ZNF347: variants seen among roughly 807,000 people sequenced by gnomAD.
ZNF347 encodes the protein zinc finger protein 347, also known as CTD-2620I22.7.
In ZNF347, 19 loss-of-function variants were observed where a neutral mutation model predicts 12.9. The observed-to-expected ratio is 1.47, with a 90% CI of 1.03 to 2.16. ZNF347 has a LOEUF of 2.16. ZNF347 is among the 30% of genes most tolerant of loss of function. ZNF347 has a pLI of 0.00. For missense variants in ZNF347, 1,005 were observed against 990.6 expected, an observed-to-expected ratio of 1.01 and a Z score of -0.19; for synonymous variants, 328 against 340.6, an observed-to-expected ratio of 0.96 and a Z score of 0.41.
chr19:53,157,264 T>C (rs2090541784), intron 1 of ZNF347, among the ~76,000 whole-genome samples: 1 of 152,162 alleles, frequency 6.6e-6, no homozygotes, highest in South Asian at 2.1e-4. Flanking sequence ...TTTAAATGTG[T>C]TGCATTATTT....
At chr19:53,155,128 G>A (rs1314985113) in intron 1 of ZNF347, among the ~76,000 whole-genome samples, 1 of 151,972 alleles carries the variant, frequency 6.6e-6, no homozygotes. Context: ...AGTAGAGACA[G>A]TGTTTCACCA....
intron 4 of ZNF347, among the ~76,000 whole-genome samples, chr19:53,146,041 T>C (rs566257988): frequency 2.0e-5 from 3 of 152,130 alleles, no homozygotes; most frequent in South Asian, 4.2e-4. Context: ...AGTGGCATGA[T>C]ACCAGCTCAC....
Position 53,151,991 on chromosome 19 carries a change from G to A in ZNF347, c.15+1742C>T, listed in dbSNP as rs2090501183. ...ATCTGTAATTCCAGCTACTCAGGAGGGTGAGGCAGGAGAATCGCTTGAACC... is the reference window on the plus strand; with the variant it reads ...ATCTGTAATTCCAGCTACTCAGGAGAGTGAGGCAGGAGAATCGCTTGAACC... On this transcript the variant is annotated intron_variant, in intron 2 of 4. Transcript: ENST00000334197. 1.3e-5 allele frequency among the ~76,000 whole-genome samples: 2 copies of A among 150,334 alleles called. 1 individual carries two copies. Among genetic ancestry groups the A allele is most frequent in the South Asian group, 4.2e-4 (2 of 4,772 alleles).
chr19:53,143,806 G>A (rs1449330210), intron 4 of ZNF347, among the ~76,000 whole-genome samples: 1 of 152,134 alleles, frequency 6.6e-6, no homozygotes, highest in Non-Finnish European at 1.5e-5. Context: ...TCGCCACACT[G>A]ACTTCCACAA....
chr19:53,144,625 T>C (rs2090451208), intron 4 of ZNF347, among the ~76,000 whole-genome samples: 1 of 152,016 alleles, frequency 6.6e-6, no homozygotes, highest in South Asian at 2.1e-4. Context: ...ACTTTTTAAA[T>C]TTTTTTTCTA....
chr19:53,155,436 G>A (rs1281913259), intron 1 of ZNF347, among the ~76,000 whole-genome samples: 2 of 151,818 alleles, frequency 1.3e-5, no homozygotes, highest in Non-Finnish European at 2.9e-5. Context: ...GTGTTCAAGC[G>A]ATTCTCTCAC....
intron 2 of ZNF347, among the ~76,000 whole-genome samples, chr19:53,150,272 G>C (rs142441211): frequency 1.3e-5 from 2 of 152,132 alleles, no homozygotes; most frequent in African/African-American, 4.8e-5. Context: ...TGCTCCCTTG[G>C]TGTGTGTGGG....
intron 1 of ZNF347, among the ~76,000 whole-genome samples, chr19:53,155,846 T>C (rs1404282174): frequency 6.6e-6 from 1 of 152,068 alleles, no homozygotes; most frequent in Non-Finnish European, 1.5e-5. Flanking sequence ...CCATTCCCAG[T>C]CACTACTGAG....
At chr19:53,147,050 A>G (rs918223166) in intron 4 of ZNF347, among the ~76,000 whole-genome samples, 15 of 152,134 alleles carry the variant, frequency 9.9e-5, no homozygotes, top group Non-Finnish European at 1.6e-4. Context: ...AGCCTGGGAA[A>G]CACAGCAAGA....
intron 3 of ZNF347, chr19:53,149,024 A>G (rs1053694887): frequency 1.8e-6 from 2 of 1,126,888 alleles, no homozygotes; most frequent in Non-Finnish European, 2.4e-6. Flanking sequence ...TGGGGATAGA[A>G]AACAGGGAAT....
At chr19:53,142,790 G>C (rs1022559098) in intron 4 of ZNF347, among the ~76,000 whole-genome samples, 1 of 152,112 alleles carries the variant, frequency 6.6e-6, no homozygotes, top group African/African-American at 2.4e-5. Flanking sequence ...TGGAAGCCTA[G>C]TTCCCAACCT....
rs1803392824 is a variant in ZNF347 at position 53,149,081 on chromosome 19, G to A, written c.142+160C>T. 4.2e-6 allele frequency: 6 copies of A among 1,425,336 alleles called. No individual in the cohort carries two copies. In the Admixed American group the frequency reaches 1.1e-4, roughly 25 times the overall value. The allele number at this position is 1,425,336 out of a possible 1,614,324, so 88.3% of individuals were successfully genotyped here. Reference sequence around the variant, plus strand: ...AACCCTCCAGTGACATCAGGAAGAGGAAAATTAAAATCCAGTTTCCACATT... The same window carrying A: ...AACCCTCCAGTGACATCAGGAAGAGAAAAATTAAAATCCAGTTTCCACATT... On this transcript the variant is annotated intron_variant, in intron 3 of 4. Coordinates refer to ENST00000334197, the MANE Select transcript of ZNF347 (RefSeq NM_032584.3).
chr19:53,156,144 G>A (rs1033684636), intron 1 of ZNF347, among the ~76,000 whole-genome samples: 4 of 150,942 alleles, frequency 2.7e-5, no homozygotes, highest in African/African-American at 7.3e-5. Context: ...CATGCCTGTA[G>A]TCCCAGCACT....
At chr19:53,156,187 C>T (rs2090534866) in intron 1 of ZNF347, among the ~76,000 whole-genome samples, 1 of 152,034 alleles carries the variant, frequency 6.6e-6, no homozygotes, top group Non-Finnish European at 1.5e-5. Flanking sequence ...TCACTTGAGG[C>T]CAGGAGTTAG....
chr19:53,140,330 C>T lies in ZNF347; in HGVS notation c.2498G>A (p.Cys833Tyr), dbSNP rs770477006. The part of the protein sequence containing the change: ...WKVLKSEFKP[C>Y]KPSQNS ...CCACTATGAATTCTGTGATGGCTTG[C>T]AAGGTTTGAACTCTGACTTTAGAAC... Residue 833 changes from cysteine to tyrosine, a missense_variant, in exon 5 of 5, where the codon TGC (cysteine) becomes TAC (tyrosine). Coordinates refer to ENST00000334197, the MANE Select transcript of ZNF347 (RefSeq NM_032584.3). The T allele has an allele frequency of 6.4e-7, 1 of 1,556,094 alleles. No homozygotes were observed. The highest frequency in any genetic ancestry group is 2.0e-5 in the Admixed American group (1 of 48,906).
At position 53,135,849 on chromosome 19, in the gene ZNF347, AAAG is replaced by A. The variant is rs1298716479; in HGVS notation, c.*4456_*4458del. 6.6e-6 allele frequency: 1 copy of A among 152,194 alleles called. No individual in the cohort carries two copies. Among genetic ancestry groups the A allele is most frequent in the Non-Finnish European group, 1.5e-5 (1 of 68,036 alleles). The allele number at this position is 152,194 out of a possible 1,614,324, so 9.4% of individuals were successfully genotyped here. ...TATATGCAAAGATAAATCACTTATT[AAAG>A]AATATATATCAGTTTTTTAAAATGG... On this transcript the variant is annotated 3_prime_UTR_variant, in exon 5 of 5. Transcript: ENST00000334197.
chr19:53,143,166 A>G (rs2090440802), intron 4 of ZNF347, among the ~76,000 whole-genome samples: 1 of 152,136 alleles, frequency 6.6e-6, no homozygotes, highest in Non-Finnish European at 1.5e-5. Context: ...TTTGCAATCA[A>G]AGTTAGTTGA....
intron 2 of ZNF347, among the ~76,000 whole-genome samples, chr19:53,150,182 G>T (rs2090488573): frequency 6.6e-6 from 1 of 152,120 alleles, no homozygotes; most frequent in South Asian, 2.1e-4. Flanking sequence ...TCAACCTGTG[G>T]GATCTGATGC....
At chr19:53,154,688 GCTA>G (rs2090520577) in intron 1 of ZNF347, among the ~76,000 whole-genome samples, 1 of 152,112 alleles carries the variant, frequency 6.6e-6, no homozygotes, top group Non-Finnish European at 1.5e-5. Flanking sequence ...TGTGCCACAT[GCTA>G]CTGATAGGAA....
Sources: gnomAD v4.1 joint callset for allele counts (sites outside exome capture counted in the v4.1 genomes callset) on GRCh38, gnomAD v4.1.1 for gene constraint, MANE v1.5 for transcripts, NCBI Gene and HGNC (gene_info 2026-07-23, HGNC 2026-07-21) for gene names.